Variants in CYTH3 observed in about 807,000 individuals in gnomAD.
CYTH3 encodes the protein cytohesin-3.
In CYTH3, 23 loss-of-function variants were observed where a neutral mutation model predicts 55.1. The observed-to-expected ratio is 0.42, with a 90% confidence interval of 0.30 to 0.59. The LOEUF (loss-of-function observed/expected upper bound fraction) is 0.59. Among genes scored for constraint, CYTH3 ranks in the 20% least tolerant of loss-of-function variants. The pLI is 0.20. For missense variants in CYTH3, 413 were observed against 524.8 expected, an observed-to-expected ratio of 0.79 and a Z score of 2.08; for synonymous variants, 249 against 194.9, an observed-to-expected ratio of 1.28 and a Z score of -2.31.
At chr7:6,186,671 C>G (rs531741018) in intron 4 of CYTH3, among the ~76,000 whole-genome samples, 41 of 152,302 alleles carry the variant, frequency 2.7e-4, no homozygotes, top group African/African-American at 8.7e-4. Context: ...CACTCCCACC[C>G]CTGCTCCTTC....
chr7:6,226,757 T>C (rs992146410), intron 1 of CYTH3, among the ~76,000 whole-genome samples: 2 of 152,062 alleles, frequency 1.3e-5, no homozygotes, highest in Non-Finnish European at 2.9e-5. Flanking sequence ...CAAGGAAGGA[T>C]GGCATTTTTA....
At chr7:6,264,179 G>A (rs528110696) in intron 1 of CYTH3, among the ~76,000 whole-genome samples, 8 of 151,854 alleles carry the variant, frequency 5.3e-5, no homozygotes, top group East Asian at 1.9e-4. Context: ...TCCAGGAAGC[G>A]GAGGTTGCAG....
chr7:6,232,132 T>A (rs1172263997), intron 1 of CYTH3, among the ~76,000 whole-genome samples: 2 of 152,152 alleles, frequency 1.3e-5, no homozygotes, highest in African/African-American at 4.8e-5. Context: ...CTAGACCCAT[T>A]GCCAATCCCC....
intron 1 of CYTH3, among the ~76,000 whole-genome samples, chr7:6,203,399 A>C (rs942667058): frequency 2.0e-5 from 3 of 152,194 alleles, no homozygotes; most frequent in Non-Finnish European, 2.9e-5. Context: ...CTACTCCTTA[A>C]CGTTTCATGC....
At chr7:6,260,225 C>T (rs7786473) in intron 1 of CYTH3, among the ~76,000 whole-genome samples, 9,385 of 152,080 alleles carry the variant, frequency 0.062, 964 homozygotes, top group African/African-American at 0.21. Context: ...TCTCATATTA[C>T]AAGCTGACAA....
At chr7:6,215,547 G>A (rs955939476) in intron 1 of CYTH3, among the ~76,000 whole-genome samples, 9 of 144,280 alleles carry the variant, frequency 6.2e-5, no homozygotes, top group Non-Finnish European at 1.2e-4. Flanking sequence ...CCGAGATCGC[G>A]CCACCGCACT....
chr7:6,246,410 T>C (rs1272347888), intron 1 of CYTH3, among the ~76,000 whole-genome samples: 2 of 152,056 alleles, frequency 1.3e-5, no homozygotes, highest in Non-Finnish European at 2.9e-5. Context: ...CAAAACCAAA[T>C]ACCATAGAAT....
chr7:6,271,782 G>A (rs908394777), intron 1 of CYTH3, among the ~76,000 whole-genome samples: 2 of 152,154 alleles, frequency 1.3e-5, no homozygotes, highest in Admixed American at 1.3e-4. Flanking sequence ...CTGGCTCTCC[G>A]GTCTTGCCTC....
intron 1 of CYTH3, among the ~76,000 whole-genome samples, chr7:6,234,126 T>C (rs1305253553): frequency 6.6e-6 from 1 of 152,246 alleles, no homozygotes; most frequent in Non-Finnish European, 1.5e-5. Flanking sequence ...CATATCATTA[T>C]CTTTCTAAAT....
intron 1 of CYTH3, among the ~76,000 whole-genome samples, chr7:6,235,864 A>G (rs897619558): frequency 6.6e-6 from 1 of 152,214 alleles, no homozygotes; most frequent in Non-Finnish European, 1.5e-5. Flanking sequence ...CTATAAAAAC[A>G]AAACAAAACA....
intron 1 of CYTH3, among the ~76,000 whole-genome samples, chr7:6,259,772 T>TATAATAAATATATATATATAA: frequency 3.3e-5 from 1 of 30,502 alleles, no homozygotes; most frequent in South Asian, 1.0e-3. Context: ...TATATATATA[T>TATAATAAATATATATATATAA]TATATATATA....
chr7:6,173,801 G>T, intron 5 of CYTH3, 68 bp from the exon 6 acceptor site: 1 of 912,048 alleles, frequency 1.1e-6, no homozygotes, highest in Non-Finnish European at 1.8e-6. Flanking sequence ...AGATGCGGCT[G>T]ATGAATAATG....
rs1403883985 is a variant in CYTH3 at position 6,167,675 on chromosome 7, G to C, written c.824-1865C>G. On this transcript the variant is annotated intron_variant, in intron 9 of 12. Coordinates refer to ENST00000350796, the MANE Select transcript of CYTH3 (RefSeq NM_004227.4). The surrounding 1 kb of genome is among the most constrained non-coding windows in gnomAD (Gnocchi z 5.5). The stretch of plus-strand genomic sequence containing the variant: ...AGGGGCTGCCCTTCCTGGCTCCCCA[G>C]CTGTGGCCTTTCTCCCTGCCCTGTT... 2.0e-5 allele frequency among the ~76,000 whole-genome samples: 3 copies of C among 152,248 alleles called. No individual in the cohort carries two copies. Among genetic ancestry groups the C allele is most frequent in the African/African-American group, 7.2e-5 (3 of 41,468 alleles).
rs1322216840 is a variant in CYTH3, at chr7:6,190,528, G to A, written c.38C>T (p.Pro13Leu). 21 of 1,504,272 alleles carry A rather than the reference G, an allele frequency of 1.4e-5. No individual in the cohort carries two copies. The highest frequency in any genetic ancestry group is 1.7e-5 in the Non-Finnish European group (19 of 1,137,836). The allele number at this position is 1,504,272 out of a possible 1,614,324, so 93.2% of individuals were successfully genotyped here. Residue 13 changes from proline (P) to leucine (L), a missense_variant, in exon 2 of 13, where the codon CCT becomes CTT. Around this residue, in one of 4 missense-constraint regions of CYTH3, gnomAD observed 152 missense variants for 148.1 expected, o/e 1.03. Coordinates refer to ENST00000350796, the MANE Select transcript of CYTH3 (RefSeq NM_004227.4). ...TCTCTCTTCTAATGAGAGGTCTTCA[G>A]GCACTGAAAGAAGAAAAAAATAATT... ...EDGGGEGGGV[P>L]EDLSLEEREE...
chr7:6,246,094 CT>C (rs1013950660), intron 1 of CYTH3, among the ~76,000 whole-genome samples: 7 of 150,956 alleles, frequency 4.6e-5, no homozygotes, highest in African/African-American at 1.7e-4. Flanking sequence ...TTTTTTTTAA[CT>C]TTTTTGAGAC....
intron 1 of CYTH3, 46 bp from the exon 2 acceptor site, chr7:6,190,577 C>T: frequency 7.0e-7 from 1 of 1,438,458 alleles, no homozygotes; most frequent in Non-Finnish European, 9.2e-7. Context: ...AACACATTGG[C>T]AACATCCAGC....
chr7:6,233,902 T>G (rs1250925709), intron 1 of CYTH3, among the ~76,000 whole-genome samples: 1 of 149,936 alleles, frequency 6.7e-6, no homozygotes, highest in Non-Finnish European at 1.5e-5. Flanking sequence ...TGCTCTCTGG[T>G]TCTTGCACAG....
At chr7:6,251,626 T>C (rs1299604594) in intron 1 of CYTH3, among the ~76,000 whole-genome samples, 1 of 152,206 alleles carries the variant, frequency 6.6e-6, no homozygotes, top group Non-Finnish European at 1.5e-5. Context: ...ACTGGTTTAT[T>C]ATTTCCGTAA....
At chr7:6,166,574 G>A (rs961068997) in intron 9 of CYTH3, among the ~76,000 whole-genome samples, 2 of 152,198 alleles carry the variant, frequency 1.3e-5, no homozygotes, top group South Asian at 2.1e-4. Context: ...GGGCCAGCAC[G>A]GGCGCTGAGG....
Sources: gnomAD v4.1 joint callset for allele counts (sites outside exome capture counted in the v4.1 genomes callset) on GRCh38, gnomAD v4.1.1 for gene constraint, gnomAD v4.1.1 regional missense constraint, Gnocchi (gnomAD v3.1) non-coding constraint, MANE v1.5 for transcripts, NCBI Gene and HGNC (gene_info 2026-07-23, HGNC 2026-07-21) for gene names.